NALF1: variants seen among roughly 807,000 people sequenced by gnomAD.
The protein encoded by NALF1 is NALCN channel auxiliary factor 1.
Under a neutral mutation model 48.4 loss-of-function variants are expected in NALF1, and 3 were observed. That is an observed-to-expected ratio of 0.06 (90% CI 0.03 to 0.16). The LOEUF is 0.16. Ranked by LOEUF, NALF1 falls within the 10% of genes least tolerant of loss-of-function variation. NALF1 has a pLI of 1.00. For missense variants in NALF1, 526 were observed against 571.5 expected, an observed-to-expected ratio of 0.92 and a Z score of 0.81; for synonymous variants, 262 against 245.7, an observed-to-expected ratio of 1.07 and a Z score of -0.62.
chr13:107,380,707 G>A (rs758275468), intron 1 of NALF1, among the ~76,000 whole-genome samples: 33 of 152,064 alleles, frequency 2.2e-4, no homozygotes, highest in African/African-American at 6.0e-4. Context: ...GGCCGGGAGC[G>A]GTGGTTCACG....
chr13:107,693,363 C>T (rs139682760), intron 1 of NALF1, among the ~76,000 whole-genome samples: 2,190 of 151,390 alleles, frequency 0.014, 61 homozygotes, highest in African/African-American at 0.051. Flanking sequence ...AGGAGATATA[C>T]CTAATGTAAA....
At chr13:107,374,676 G>A (rs1182978859) in intron 1 of NALF1, among the ~76,000 whole-genome samples, 1 of 152,128 alleles carries the variant, frequency 6.6e-6, no homozygotes, top group East Asian at 1.9e-4. Context: ...GAGCAACAGT[G>A]TTGGGAGGCG....
intron 1 of NALF1, among the ~76,000 whole-genome samples, chr13:107,371,940 G>A (rs778745170): frequency 1.3e-5 from 2 of 152,168 alleles, no homozygotes; most frequent in African/African-American, 2.4e-5. Flanking sequence ...TCCCAGAATC[G>A]TATATACATT....
chr13:107,624,570 C>T (rs9559108), intron 1 of NALF1, among the ~76,000 whole-genome samples: 88,034 of 152,028 alleles, frequency 0.58, 27,958 homozygotes, highest in East Asian at 0.99. Context: ...TAAAGTAAAA[C>T]GTATCATTTT....
At chr13:107,292,992 CTTTT>C (rs55786928) in intron 1 of NALF1, among the ~76,000 whole-genome samples, 1 of 110,672 alleles carries the variant, frequency 9.0e-6, no homozygotes, top group Admixed American at 1.0e-4. Context: ...TTTTCTTTTT[CTTTT>C]TTTTTTTTTT....
chr13:107,435,817 A>C (rs1439472043), intron 1 of NALF1, among the ~76,000 whole-genome samples: 1 of 152,156 alleles, frequency 6.6e-6, no homozygotes, highest in Non-Finnish European at 1.5e-5. Context: ...AAGATACTGC[A>C]TAAACAGAAC....
At chr13:107,466,467 T>G (rs1030259176) in intron 1 of NALF1, 1 of 152,336 alleles carries the variant, frequency 6.6e-6, no homozygotes, top group Non-Finnish European at 1.5e-5. Flanking sequence ...AAATCAGGGT[T>G]GCAGGACATG....
intron 1 of NALF1, among the ~76,000 whole-genome samples, chr13:107,451,410 T>C (rs1458558158): frequency 6.6e-6 from 1 of 152,208 alleles, no homozygotes; most frequent in Non-Finnish European, 1.5e-5. Context: ...AAACATTGTG[T>C]CCTGGTCATT....
chr13:107,668,525 G>A (rs1880914852), intron 1 of NALF1, among the ~76,000 whole-genome samples: 2 of 151,956 alleles, frequency 1.3e-5, no homozygotes, highest in Admixed American at 1.3e-4. Context: ...TCTTCTGTTT[G>A]TCTGATACCT....
In NALF1 at chr13:107,556,254, C is replaced by CCT. The variant is rs530335957; in HGVS notation, c.915+309426_915+309427dup. 4.0e-3 allele frequency among the ~76,000 whole-genome samples: 573 copies of CCT among 144,120 alleles called. 4 individuals carry two copies. Among genetic ancestry groups the CCT allele is most frequent in the African/African-American group, 0.014 (542 of 38,368 alleles). The allele number at this position is 144,120 out of a possible 152,430, so 94.5% of individuals were successfully genotyped here. On this transcript the variant is annotated intron_variant, in intron 1 of 2. Coordinates refer to ENST00000375915, the MANE Select transcript of NALF1 (RefSeq NM_001080396.3). The stretch of plus-strand genomic sequence containing the variant: ...TGCTTATCTTCAGAGATGTGCCTCT[C>CCT]CTCTCTCTCTCTCTCAACATATATA...
intron 1 of NALF1, among the ~76,000 whole-genome samples, chr13:107,847,816 A>G (rs543341007): frequency 1.3e-5 from 2 of 152,296 alleles, no homozygotes; most frequent in East Asian, 1.9e-4. Context: ...TTTCTGACCC[A>G]CAGAAAGTGT....
chr13:107,433,718 A>G (rs1441994471), intron 1 of NALF1, among the ~76,000 whole-genome samples: 1 of 152,220 alleles, frequency 6.6e-6, no homozygotes, highest in African/African-American at 2.4e-5. Context: ...TAGAAGCACC[A>G]TCATCACAGA....
At chr13:107,684,666 T>C (rs1207158721) in intron 1 of NALF1, among the ~76,000 whole-genome samples, 1 of 152,156 alleles carries the variant, frequency 6.6e-6, no homozygotes, top group African/African-American at 2.4e-5. Flanking sequence ...ACCCTTTTAA[T>C]TGGAAAGACA....
At chr13:107,845,476 C>T (rs1340400312) in intron 1 of NALF1, among the ~76,000 whole-genome samples, 1 of 152,154 alleles carries the variant, frequency 6.6e-6, no homozygotes, top group Non-Finnish European at 1.5e-5. Context: ...ACACGATTCA[C>T]TCCTTCTCCA....
chr13:107,242,062 A>G (rs892096340), intron 1 of NALF1, among the ~76,000 whole-genome samples: 2 of 152,220 alleles, frequency 1.3e-5, no homozygotes, highest in Non-Finnish European at 2.9e-5. Flanking sequence ...CAAGTTCTTA[A>G]GCCCTTGGAA....
chr13:107,271,830 A>ATATT (rs1451574355), intron 1 of NALF1, among the ~76,000 whole-genome samples: 2 of 139,804 alleles, frequency 1.4e-5, no homozygotes, highest in African/African-American at 5.4e-5. Context: ...ATATATTTAT[A>ATATT]TATACAAATA....
intron 1 of NALF1, chr13:107,466,288 A>T (rs1885001514): frequency 6.6e-6 from 1 of 152,364 alleles, no homozygotes. Flanking sequence ...AAACCATATC[A>T]ATGACCCAGT....
intron 1 of NALF1, among the ~76,000 whole-genome samples, chr13:107,540,168 C>T (rs1005411292): frequency 1.3e-5 from 2 of 151,878 alleles, no homozygotes. Context: ...TCAAGGAATG[C>T]TCTTTATACC....
intron 1 of NALF1, among the ~76,000 whole-genome samples, chr13:107,618,127 G>C (rs1475828598): frequency 6.6e-6 from 1 of 152,066 alleles, no homozygotes; most frequent in Non-Finnish European, 1.5e-5. Context: ...CACCGAGAGA[G>C]AAAATAAAAT....
Sources: gnomAD v4.1 joint callset for allele counts (sites outside exome capture counted in the v4.1 genomes callset) on GRCh38, gnomAD v4.1.1 for gene constraint, MANE v1.5 for transcripts, NCBI Gene and HGNC (gene_info 2026-07-23, HGNC 2026-07-21) for gene names.